LYSMD4: variants seen among roughly 807,000 people sequenced by gnomAD.
LYSMD4 encodes lysM and putative peptidoglycan-binding domain-containing protein 4.
In LYSMD4, 9 loss-of-function variants were observed where a neutral mutation model predicts 6.1. The ratio of observed to expected loss-of-function variants is 1.47; its 90% CI spans 0.88 to 2.56. The LOEUF is 2.56. LYSMD4 is among the 30% of genes most tolerant of loss of function. LYSMD4 has a pLI of 0.00. For synonymous variants in LYSMD4, 143 were observed against 148.5 expected (o/e 0.96, Z 0.27); for missense variants, 384 against 373.5 (o/e 1.03, Z -0.23).
At chr15:99,720,537 G>C (rs755134910), upstream of LYSMD4, among the ~76,000 whole-genome samples, 1 of 152,198 alleles carries the variant, frequency 6.6e-6, no homozygotes, top group Non-Finnish European at 1.5e-5. Flanking sequence ...ACTTCACTGA[G>C]TAAAGGGGCT....
downstream of LYSMD4, among the ~76,000 whole-genome samples, chr15:99,722,430 A>C (rs145804767): frequency 6.6e-6 from 1 of 152,314 alleles, no homozygotes; most frequent in East Asian, 1.9e-4. Context: ...CCCAGGACAA[A>C]GCACAAACTA....
chr15:99,722,249 C>T (rs185514926), upstream of LYSMD4, among the ~76,000 whole-genome samples: 9 of 152,234 alleles, frequency 5.9e-5, no homozygotes, highest in African/African-American at 1.9e-4. Flanking sequence ...ACACAGCATT[C>T]GGAGAATCTT....
At chr15:99,730,717 T>A (rs953194812) in intron 2 of LYSMD4, among the ~76,000 whole-genome samples, 3 of 151,844 alleles carry the variant, frequency 2.0e-5, no homozygotes, top group Non-Finnish European at 4.4e-5. Flanking sequence ...TAAGAGCAAA[T>A]TTATTTACTT....
exon 1 of LYSMD4, chr15:99,716,139 C>CTT (rs1377223503): frequency 6.3e-6 from 1 of 158,372 alleles, no homozygotes; most frequent in African/African-American, 2.4e-5. Flanking sequence ...ACTTTCTTCA[C>CTT]TTTGCTGTGC....
chr15:99,716,688 T>C (rs1299583123), exon 1 of LYSMD4: 2 of 456,714 alleles, frequency 4.4e-6, no homozygotes, highest in Non-Finnish European at 8.8e-6. Flanking sequence ...GGCTCCCGGG[T>C]CATCCCTGCT....
In LYSMD4 at chr15:99,729,526, G is replaced by A; in HGVS notation, c.488C>T (p.Ala163Val). The A allele has an allele frequency of 6.2e-7, 1 of 1,614,126 alleles. No individual in the cohort carries two copies. Among genetic ancestry groups the A allele is most frequent in the Admixed American group, 1.7e-5 (1 of 60,028 alleles). The change falls in exon 3 of 3, where the codon GCC becomes GTC. Residue 163 changes from alanine to valine, a missense_variant. Coordinates refer to ENST00000684762, the MANE Select transcript of LYSMD4 (RefSeq NM_001284417.2). The stretch of plus-strand genomic sequence containing the variant: ...CTTAAAGAAGCCCATCAGTTGGCCG[G>A]CCTGGGCACCGGTGCCCGCGCCTGC... ...DRAGAGTGAQ[A>V]GQLMGFFKGI...
rs1046138292 is a variant in LYSMD4 at position 99,732,006 on chromosome 15, C to T, written c.-7G>A. 2 of 1,549,316 alleles carry T rather than the reference C, an allele frequency of 1.3e-6. No homozygotes were observed. Among genetic ancestry groups the T allele is most frequent in the South Asian group, 1.2e-5 (1 of 85,364 alleles). On this transcript the variant is annotated splice_region_variant and 5_prime_UTR_variant, in exon 2 of 3. Transcript: ENST00000684762. ...ACAATTCCTCGTGCCTCATTTTCTT[C>T]ACTGAAAATCAAGCCGGAGGGTTAA...
chr15:99,731,061 G>T, intron 2 of LYSMD4: 1 of 942,346 alleles, frequency 1.1e-6, no homozygotes, highest in Non-Finnish European at 1.6e-6. Flanking sequence ...AAATTAAGTA[G>T]CTTATATACC....
downstream of LYSMD4, among the ~76,000 whole-genome samples, chr15:99,725,190 T>G (rs527507236): frequency 6.6e-6 from 1 of 152,288 alleles, no homozygotes; most frequent in Non-Finnish European, 1.5e-5. Flanking sequence ...AGGCAGTGCT[T>G]GCATGTGCGA....
exon 1 of LYSMD4, chr15:99,717,059 C>T (rs2059192435): frequency 5.9e-6 from 1 of 168,306 alleles, no homozygotes; most frequent in African/African-American, 2.4e-5. Context: ...CATAATTCAG[C>T]TAGAAAATGA....
Position 99,729,344 on chromosome 15 carries a change from T to C in LYSMD4, c.670A>G (p.Ile224Val), listed in dbSNP as rs750125554. 2.4e-5 allele frequency: 38 copies of C among 1,614,234 alleles called. No homozygotes were observed. Among genetic ancestry groups the C allele is most frequent in the Non-Finnish European group, 3.1e-5 (36 of 1,180,040 alleles). Residue 224 changes from isoleucine to valine, a missense_variant, in exon 3 of 3, where the codon ATC (isoleucine) becomes GTC (valine). Physicochemically the swap from Ile to Val is conservative, Grantham distance 29. Transcript: ENST00000684762. ...CGIQWWNAVF[I>V]MLLIGIVLPV... Reference sequence around the variant, plus strand: ...AAGACAATACCAATCAGCAGCATGATGAAAACAGCATTCCACCACTGAATG... The same window carrying C: ...AAGACAATACCAATCAGCAGCATGACGAAAACAGCATTCCACCACTGAATG...
chr15:99,726,006 C>T (rs778408169), downstream of LYSMD4, among the ~76,000 whole-genome samples: 2 of 152,148 alleles, frequency 1.3e-5, no homozygotes, highest in Non-Finnish European at 2.9e-5. Context: ...TCTTAGAGCA[C>T]TGTGGCATCC....
rs2059332344 is a variant in LYSMD4 at position 99,728,887 on chromosome 15, C to T, written c.*236G>A. ...CACTAAATGTCACAGGGAAATGGCT[C>T]TCTTGCTGCACCTCTCTGGATAGGG... On this transcript the variant is annotated 3_prime_UTR_variant, in exon 3 of 3. Coordinates refer to ENST00000684762, the MANE Select transcript of LYSMD4 (RefSeq NM_001284417.2). The T allele has an allele frequency of 1.1e-5, 6 of 570,062 alleles. No homozygotes were observed. Among genetic ancestry groups the T allele is most frequent in the African/African-American group, 3.7e-5 (2 of 53,336 alleles). The allele number at this position is 570,062 out of a possible 1,614,324, so 35.3% of individuals were successfully genotyped here. A position where few individuals can be genotyped will look rare whatever the true frequency, so the allele number is the denominator to read the frequency against.
chr15:99,724,156 TGTC>T (rs2059259309), downstream of LYSMD4, among the ~76,000 whole-genome samples: 1 of 151,112 alleles, frequency 6.6e-6, no homozygotes, highest in Non-Finnish European at 1.5e-5. Flanking sequence ...ACTAAGGAAA[TGTC>T]ATCTCCTCCA....
In LYSMD4 at chr15:99,728,823, C is replaced by G. The variant is rs1337428532; in HGVS notation, c.*300G>C. The G allele has an allele frequency of 1.3e-5, 5 of 387,576 alleles. No homozygotes were observed. The East Asian group carries it at 2.3e-4, about 18-fold the overall frequency. The allele number at this position is 387,576 out of a possible 1,614,324, so 24.0% of individuals were successfully genotyped here. ...AATCTTTCCCTCCGAGCACGTCCAACTTGGGGGTCCTCACAGTGCTGCTAT... is the reference window on the plus strand; with the variant it reads ...AATCTTTCCCTCCGAGCACGTCCAAGTTGGGGGTCCTCACAGTGCTGCTAT... On this transcript the variant is annotated 3_prime_UTR_variant, in exon 3 of 3. Coordinates refer to ENST00000684762, the MANE Select transcript of LYSMD4 (RefSeq NM_001284417.2).
chr15:99,730,288 G>A (rs1454743769), intron 2 of LYSMD4, among the ~76,000 whole-genome samples: 1 of 152,162 alleles, frequency 6.6e-6, no homozygotes, highest in Non-Finnish European at 1.5e-5. Flanking sequence ...AACACTGTGG[G>A]GCATGTAAAC....
At chr15:99,724,163 T>C (rs2059259370), downstream of LYSMD4, among the ~76,000 whole-genome samples, 1 of 151,124 alleles carries the variant, frequency 6.6e-6, no homozygotes, top group South Asian at 2.1e-4. Context: ...AAATGTCATC[T>C]CCTCCAGATG....
At chr15:99,722,848 A>G (rs1021544373), downstream of LYSMD4, among the ~76,000 whole-genome samples, 1 of 152,104 alleles carries the variant, frequency 6.6e-6, no homozygotes, top group Non-Finnish European at 1.5e-5. Context: ...CCTGCGCAAC[A>G]TGACAAAAAC....
rs1473424962 is a variant in LYSMD4, at chr15:99,729,647, G to C, written c.367C>G (p.His123Asp). The change falls in exon 3 of 3, where the codon CAT (histidine) becomes GAT (aspartate). Residue 123 changes from histidine (H) to aspartate (D), a missense_variant. Coordinates refer to ENST00000684762, the MANE Select transcript of LYSMD4 (RefSeq NM_001284417.2). ...LKSVKIPVRN[H>D]GILMETHKEL... Reference sequence around the variant, plus strand: ...TTGTGGGTCTCCATCAGGATCCCATGGTTTCTCACTGGAATCTTAACAGAT... The same window carrying C: ...TTGTGGGTCTCCATCAGGATCCCATCGTTTCTCACTGGAATCTTAACAGAT... 2 of 1,614,096 alleles carry C rather than the reference G, an allele frequency of 1.2e-6. No individual in the cohort carries two copies. Among genetic ancestry groups the C allele is most frequent in the Non-Finnish European group, 1.7e-6 (2 of 1,180,042 alleles).
Sources: gnomAD v4.1 joint callset for allele counts (sites outside exome capture counted in the v4.1 genomes callset) on GRCh38, gnomAD v4.1.1 for gene constraint, MANE v1.5 for transcripts, NCBI Gene and HGNC (gene_info 2026-07-23, HGNC 2026-07-21) for gene names.